KAZN: variants seen among roughly 807,000 people sequenced by gnomAD.
KAZN encodes the protein kazrin.
In KAZN, 40 loss-of-function variants were observed where a neutral mutation model predicts 87.4. The ratio of observed to expected loss-of-function variants is 0.46; its 90% CI spans 0.36 to 0.60. The LOEUF (loss-of-function observed/expected upper bound fraction) is 0.60. Ranked by LOEUF, KAZN falls within the 20% of genes least tolerant of loss-of-function variation. KAZN has a pLI of 0.00. For synonymous variants in KAZN, 466 were observed against 458.3 expected (o/e 1.02, Z -0.22); for missense variants, 898 against 1,073.9 (o/e 0.84, Z 2.29).
intron 1 of KAZN, among the ~76,000 whole-genome samples, chr1:13,919,748 T>G (rs1207724202): frequency 6.6e-6 from 1 of 152,224 alleles, no homozygotes; most frequent in Non-Finnish European, 1.5e-5. Context: ...ATATGGATGG[T>G]GGATGTGGCT....
intron 1 of KAZN, among the ~76,000 whole-genome samples, chr1:14,098,133 TC>T (rs1209223435): frequency 1.3e-5 from 2 of 152,092 alleles, no homozygotes; most frequent in African/African-American, 4.8e-5. Flanking sequence ...CTGGAGCTCT[TC>T]CCCTTGCCTT....
intron 2 of KAZN, among the ~76,000 whole-genome samples, chr1:14,972,226 C>T (rs1321869533): frequency 8.5e-5 from 13 of 152,182 alleles, no homozygotes; most frequent in Admixed American, 7.8e-4. Flanking sequence ...GCCTACCTGG[C>T]CATGACAGGG....
chr1:14,104,200 G>T (rs1644320700), intron 1 of KAZN, among the ~76,000 whole-genome samples: 2 of 152,204 alleles, frequency 1.3e-5, no homozygotes, highest in African/African-American at 4.8e-5. Flanking sequence ...CAGAGCTGGT[G>T]CCAGATGCGT....
chr1:14,578,739 A>G (rs534036551), intron 2 of KAZN, among the ~76,000 whole-genome samples: 106 of 152,310 alleles, frequency 7.0e-4, no homozygotes, highest in African/African-American at 2.5e-3. Context: ...TTAGAACTTG[A>G]CTGAGCACTT....
intron 1 of KAZN, among the ~76,000 whole-genome samples, chr1:14,947,763 G>C (rs1479215133): frequency 6.6e-6 from 1 of 152,246 alleles, no homozygotes; most frequent in Non-Finnish European, 1.5e-5. Flanking sequence ...GAGAGAATCT[G>C]ATGGGCTGAG....
intron 1 of KAZN, among the ~76,000 whole-genome samples, chr1:14,142,497 T>C (rs549281757): frequency 1.3e-5 from 2 of 152,264 alleles, no homozygotes; most frequent in South Asian, 4.1e-4. Context: ...ATGTACAAAA[T>C]ACACACTTTA....
rs879886649 is a variant in KAZN at position 14,661,679 on chromosome 1, G to A, written c.226+62456G>A. ...TTGGGGGACGGGGGGGCGGGAGGGA[G>A]GGGAGGGAGGGGATCACCTGAGGTC... On this transcript the variant is annotated intron_variant, in intron 1 of 14. Transcript: ENST00000376030. Among the ~76,000 whole-genome samples the A allele has an allele frequency of 5.7e-3, 792 of 140,002 alleles. 3 individuals are homozygous for A. The highest frequency in any genetic ancestry group is 8.9e-3 in the Non-Finnish European group (570 of 64,168). 91.8% of individuals were successfully genotyped at this position (140,002 alleles called of 152,430 possible).
intron 2 of KAZN, among the ~76,000 whole-genome samples, chr1:14,478,300 A>C (rs1445726304): frequency 6.7e-6 from 1 of 149,672 alleles, no homozygotes; most frequent in Non-Finnish European, 1.5e-5. Flanking sequence ...GGTGGATGGG[A>C]GGATATATGG....
chr1:14,310,888 A>G (rs1260729047), intron 2 of KAZN, among the ~76,000 whole-genome samples: 1 of 152,176 alleles, frequency 6.6e-6, no homozygotes, highest in African/African-American at 2.4e-5. Flanking sequence ...GAAGCCAACT[A>G]TTTTGAGAAG....
chr1:14,367,712 C>T (rs1047661356), intron 2 of KAZN, among the ~76,000 whole-genome samples: 5 of 152,122 alleles, frequency 3.3e-5, no homozygotes, highest in African/African-American at 1.2e-4. Flanking sequence ...AAGCTGAGCC[C>T]TAGACCAGCT....
In KAZN at chr1:14,582,354, T is replaced by A. The variant is rs1012470203; in HGVS notation, c.250-16629T>A. On this transcript the variant is annotated intron_variant, in intron 2 of 16. Transcript: ENST00000636203. ...TTCTTGGTGTGGAGCAAAATCAGTTTTGGGCAGGTCACTTCCCAATTTTAG... is the reference window on the plus strand; with the variant it reads ...TTCTTGGTGTGGAGCAAAATCAGTTATGGGCAGGTCACTTCCCAATTTTAG... Among the ~76,000 whole-genome samples the A allele has an allele frequency of 6.6e-5, 10 of 152,290 alleles. 1 individual carries two copies. In the East Asian group the frequency reaches 1.9e-3, roughly 29 times the overall value.
intron 1 of KAZN, among the ~76,000 whole-genome samples, chr1:14,809,708 G>A (rs902409961): frequency 2.6e-5 from 4 of 152,224 alleles, no homozygotes; most frequent in Admixed American, 2.6e-4. Context: ...GAGGGCTAGG[G>A]TATGAAGCCA....
At chr1:14,027,486 C>CT (rs1384450465) in intron 1 of KAZN, among the ~76,000 whole-genome samples, 2 of 151,838 alleles carry the variant, frequency 1.3e-5, no homozygotes, top group Non-Finnish European at 2.9e-5. Context: ...CCGGCTTCTG[C>CT]CCCCCCGCCA....
Position 14,490,682 on chromosome 1 carries a change from G to T in KAZN, c.250-108301G>T, listed in dbSNP as rs556242579. ...TAATATTTCTATTTTTAGCAGAGAC[G>T]GGGTGGTTGTTTTTTAATGGTTATA... On this transcript the variant is annotated intron_variant, in intron 2 of 16. Coordinates refer to the KAZN transcript ENST00000636203. Among the ~76,000 whole-genome samples the T allele has an allele frequency of 5.3e-5, 8 of 152,124 alleles. 1 individual carries two copies. The South Asian group carries it at 1.7e-3, about 32-fold the overall frequency.
In KAZN at chr1:15,056,690, A is replaced by G. The variant is rs1415919771; in HGVS notation, c.916+410A>G. Among the ~76,000 whole-genome samples, 1 of 152,222 alleles carries G rather than the reference A, an allele frequency of 6.6e-6. No homozygotes were observed. The highest frequency in any genetic ancestry group is 1.9e-4 in the East Asian group (1 of 5,200). Reference sequence around the variant, plus strand: ...AAGAAAGACTCTGATTGGCCACATCAGAGTCACATGGGCATCCTTTGGCAG... The same window carrying G: ...AAGAAAGACTCTGATTGGCCACATCGGAGTCACATGGGCATCCTTTGGCAG... On this transcript the variant is annotated intron_variant, in intron 5 of 14. Coordinates refer to ENST00000376030, the MANE Select transcript of KAZN (RefSeq NM_201628.3). This position sits in a 1 kb window ranked among gnomAD's most constrained non-coding sequence, Gnocchi z 5.4.
At chr1:14,095,983 G>A (rs1644118623) in intron 1 of KAZN, among the ~76,000 whole-genome samples, 1 of 152,066 alleles carries the variant, frequency 6.6e-6, no homozygotes, top group Non-Finnish European at 1.5e-5. Context: ...AGTTCTGAAA[G>A]GATGCATATC....
intron 2 of KAZN, among the ~76,000 whole-genome samples, chr1:14,419,600 T>A (rs1042850469): frequency 3.3e-5 from 5 of 152,198 alleles, no homozygotes; most frequent in African/African-American, 1.2e-4. Flanking sequence ...GATTTGAGTG[T>A]TACAGTTCTT....
At chr1:14,778,145 A>C (rs1003984856) in intron 1 of KAZN, among the ~76,000 whole-genome samples, 3 of 152,116 alleles carry the variant, frequency 2.0e-5, no homozygotes, top group African/African-American at 7.2e-5. Flanking sequence ...TATTTTACCC[A>C]ATCTCTATTC....
intron 2 of KAZN, among the ~76,000 whole-genome samples, chr1:14,306,223 A>G (rs1436238917): frequency 6.6e-6 from 1 of 152,212 alleles, no homozygotes; most frequent in Non-Finnish European, 1.5e-5. Context: ...TTGTGAAAAA[A>G]TTAAATCCCC....
Sources: gnomAD v4.1 joint callset for allele counts (sites outside exome capture counted in the v4.1 genomes callset) on GRCh38, gnomAD v4.1.1 for gene constraint, Gnocchi (gnomAD v3.1) non-coding constraint, MANE v1.5 for transcripts, NCBI Gene and HGNC (gene_info 2026-07-23, HGNC 2026-07-21) for gene names.